Variants in ADAMTS17 observed in about 807,000 individuals in gnomAD.
ADAMTS17 encodes A disintegrin and metalloproteinase with thrombospondin motifs 17.
In ADAMTS17, 113 loss-of-function variants were observed where a neutral mutation model predicts 141.5. The observed-to-expected ratio is 0.80, with a 90% CI of 0.69 to 0.93. The LOEUF (loss-of-function observed/expected upper bound fraction) is 0.93. Among genes scored for constraint, ADAMTS17 ranks in the 40% least tolerant of loss-of-function variants. ADAMTS17 has a pLI of 0.00. For missense variants in ADAMTS17, 1,659 were observed against 1,517.9 expected (o/e 1.09, Z -1.54); for synonymous variants, 768 against 630.6 (o/e 1.22, Z -3.27).
chr15:100,064,506 T>G (rs1364752298), intron 15 of ADAMTS17, among the ~76,000 whole-genome samples: 2 of 152,200 alleles, frequency 1.3e-5, no homozygotes, highest in African/African-American at 2.4e-5. Flanking sequence ...CTTTTGCTCT[T>G]TGTTGTATTT....
intron 18 of ADAMTS17, among the ~76,000 whole-genome samples, chr15:100,018,443 G>T (rs2061335571): frequency 6.6e-6 from 1 of 152,234 alleles, no homozygotes; most frequent in South Asian, 2.1e-4. Flanking sequence ...GGTGGGAGGT[G>T]ATTGGATCAT....
intron 7 of ADAMTS17, among the ~76,000 whole-genome samples, chr15:100,220,448 C>A (rs906933522): frequency 1.3e-5 from 2 of 152,206 alleles, no homozygotes; most frequent in African/African-American, 4.8e-5. Context: ...CAGCTCTAGT[C>A]CCTCCACTTA....
At chr15:100,257,365 TC>T (rs1390141115) in intron 6 of ADAMTS17, among the ~76,000 whole-genome samples, 3 of 152,154 alleles carry the variant, frequency 2.0e-5, no homozygotes, top group Non-Finnish European at 4.4e-5. Context: ...CACTGCGGCC[TC>T]CCCCGTCCTT....
At chr15:99,987,365 C>T (rs1243420354) in intron 20 of ADAMTS17, among the ~76,000 whole-genome samples, 1 of 152,238 alleles carries the variant, frequency 6.6e-6, no homozygotes, top group African/African-American at 2.4e-5. Flanking sequence ...GACCTCGAAA[C>T]TGGACAACTG....
intron 14 of ADAMTS17, among the ~76,000 whole-genome samples, chr15:100,098,285 G>A (rs996143906): frequency 4.6e-5 from 7 of 151,956 alleles, no homozygotes; most frequent in African/African-American, 9.7e-5. Flanking sequence ...AGCCTGGAGC[G>A]CAGTGCAGGG....
chr15:100,203,768 A>G (rs972344238), intron 7 of ADAMTS17, among the ~76,000 whole-genome samples: 10 of 152,134 alleles, frequency 6.6e-5, no homozygotes, highest in African/African-American at 2.4e-4. Flanking sequence ...GCATGGTGGC[A>G]GGTCCCTATG....
chr15:100,024,801 C>T (rs1252246443), intron 18 of ADAMTS17, among the ~76,000 whole-genome samples: 1 of 152,212 alleles, frequency 6.6e-6, no homozygotes, highest in Non-Finnish European at 1.5e-5. Flanking sequence ...CCCTCCACCC[C>T]ACTCCCCTGC....
intron 7 of ADAMTS17, among the ~76,000 whole-genome samples, chr15:100,211,641 G>A (rs562861907): frequency 6.6e-6 from 1 of 152,296 alleles, no homozygotes; most frequent in Non-Finnish European, 1.5e-5. Context: ...AATCCATACT[G>A]AAAACTTCTA....
chr15:100,252,089 C>T (rs535207799), intron 7 of ADAMTS17, among the ~76,000 whole-genome samples: 9 of 152,296 alleles, frequency 5.9e-5, no homozygotes, highest in African/African-American at 1.9e-4. Flanking sequence ...ATGCTTGATT[C>T]GAAGTAGCTG....
intron 3 of ADAMTS17, among the ~76,000 whole-genome samples, chr15:100,299,107 T>G (rs1437486142): frequency 2.0e-5 from 3 of 152,144 alleles, no homozygotes; most frequent in Non-Finnish European, 2.9e-5. Context: ...TTATTTTAAC[T>G]TAATTACCTC....
chr15:100,025,249 A>G (rs1053061204), intron 18 of ADAMTS17, among the ~76,000 whole-genome samples: 11 of 152,118 alleles, frequency 7.2e-5, no homozygotes, highest in African/African-American at 2.7e-4. Flanking sequence ...TATTTTGTCT[A>G]AAGTTAGGAT....
intron 7 of ADAMTS17, among the ~76,000 whole-genome samples, chr15:100,206,311 G>C (rs1280140483): frequency 6.6e-6 from 1 of 152,214 alleles, no homozygotes; most frequent in African/African-American, 2.4e-5. Flanking sequence ...CCTGTGTGCA[G>C]GCTCCTGTGT....
chr15:100,107,215 G>A (rs555120638), intron 14 of ADAMTS17, among the ~76,000 whole-genome samples: 2 of 152,120 alleles, frequency 1.3e-5, no homozygotes, highest in Non-Finnish European at 2.9e-5. Context: ...TGTTTGTCAC[G>A]CACACTGAAA....
At chr15:100,223,409 C>CT (rs1202400186) in intron 7 of ADAMTS17, among the ~76,000 whole-genome samples, 1 of 152,076 alleles carries the variant, frequency 6.6e-6, no homozygotes, top group Non-Finnish European at 1.5e-5. Context: ...GCCTGAGTAA[C>CT]TAGTTTGCTA....
chr15:100,024,612 C>T (rs1365139361), intron 18 of ADAMTS17, among the ~76,000 whole-genome samples: 3 of 152,158 alleles, frequency 2.0e-5, no homozygotes, highest in Non-Finnish European at 4.4e-5. Context: ...CATGCCTGAC[C>T]CACTAGCCTG....
chr15:100,134,527 G>C (rs2038225905), intron 10 of ADAMTS17, among the ~76,000 whole-genome samples: 1 of 152,202 alleles, frequency 6.6e-6, no homozygotes, highest in South Asian at 2.1e-4. Context: ...GAAGGTCAAG[G>C]AGCTCCTGTA....
chr15:100,234,428 T>C (rs2141863501), intron 7 of ADAMTS17, among the ~76,000 whole-genome samples: 1 of 152,310 alleles, frequency 6.6e-6, no homozygotes, highest in Admixed American at 6.5e-5. Context: ...CACAGTCATG[T>C]ACTGGGAAGG....
chr15:99,985,147 G>T (rs2060560495), intron 20 of ADAMTS17, among the ~76,000 whole-genome samples: 1 of 152,248 alleles, frequency 6.6e-6, no homozygotes, highest in South Asian at 2.1e-4. Context: ...GGGCTCTGTG[G>T]ACTCACACAC....
intron 6 of ADAMTS17, among the ~76,000 whole-genome samples, chr15:100,260,541 G>A (rs2043479813): frequency 6.6e-6 from 1 of 151,632 alleles, no homozygotes; most frequent in African/African-American, 2.4e-5. Context: ...TTGAACCCAG[G>A]ACGCAGAGGT....
Sources: allele counts gnomAD v4.1 joint callset (sites outside exome capture counted in the v4.1 genomes callset), GRCh38; gene constraint gnomAD v4.1.1; transcripts MANE v1.5; gene names NCBI Gene and HGNC (gene_info 2026-07-23, HGNC 2026-07-21).